The following LRRC71 variants were observed in gnomAD, a reference collection of about 807,000 sequenced individuals.
LRRC71 encodes leucine-rich repeat-containing protein 71.
LRRC71 carries 54 observed loss-of-function variants against 66.6 expected under a neutral mutation model. The observed-to-expected ratio is 0.81, with a 90% CI of 0.65 to 1.02. The LOEUF (loss-of-function observed/expected upper bound fraction) is 1.02. LRRC71 is among the 50% of genes least tolerant of loss of function. The probability of loss-of-function intolerance (pLI) is 0.00; values close to 1 mark genes in which losing one functional copy is unlikely to be tolerated. For missense variants in LRRC71, 724 were observed against 718.0 expected, an observed-to-expected ratio of 1.01 and a Z score of -0.10; for synonymous variants, 323 against 303.9, an observed-to-expected ratio of 1.06 and a Z score of -0.65.
In LRRC71 at chr1:156,930,542, T is replaced by C. The variant is rs768854652; in HGVS notation, c.1254T>C (p.Pro418=). The part of the protein sequence containing the change: ...TKAGKGKVTI[P]EQKPSRAKGI... The stretch of plus-strand genomic sequence containing the variant: ...TTCTGGCCCCAGAGGTAACCATCCC[T>C]GAACAGAAGCCAAGCAGGGCAAAAG... The change falls in exon 12 of 15, where the codon CCT becomes CCC. Residue 418 remains proline (P), a synonymous_variant. Coordinates refer to ENST00000337428, the MANE Select transcript of LRRC71 (RefSeq NM_144702.3). 19 of 1,564,338 alleles carry C rather than the reference T, an allele frequency of 1.2e-5. No individual in the cohort carries two copies. The highest frequency in any genetic ancestry group is 1.9e-5 in the Admixed American group (1 of 52,486).
intron 13 of LRRC71, 119 bp downstream of exon 13, chr1:156,932,146 G>T (rs867260796): frequency 2.4e-6 from 2 of 838,048 alleles, no homozygotes; most frequent in African/African-American, 3.4e-5. Flanking sequence ...TGGGCTACAT[G>T]TCCCCCAAGG....
downstream of LRRC71, chr1:156,936,047 G>T: frequency 6.2e-7 from 1 of 1,614,044 alleles, no homozygotes; most frequent in Non-Finnish European, 8.5e-7. Flanking sequence ...TCTTCCAGGG[G>T]GGCGTCAGAG....
intron 5 of LRRC71, among the ~76,000 whole-genome samples, chr1:156,925,599 G>A (rs1054045855): frequency 4.6e-5 from 7 of 152,204 alleles, no homozygotes; most frequent in African/African-American, 1.7e-4. Context: ...ATTGGGAAAG[G>A]GTGTACTTGT....
At chr1:156,930,669 C>A in intron 12 of LRRC71, 52 bp downstream of exon 12, 1 of 1,503,774 alleles carries the variant, frequency 6.6e-7, no homozygotes, top group Non-Finnish European at 9.1e-7. Flanking sequence ...GGATTCCAGG[C>A]TTGCCTGAGA....
the LRRC71 span, chr1:156,940,227 G>T: frequency 6.3e-7 from 1 of 1,593,626 alleles, no homozygotes; most frequent in Non-Finnish European, 8.6e-7. Context: ...AGCGGAGTCA[G>T]CGAGCCCTTC....
chr1:156,934,279 G>A (rs1267814065), downstream of LRRC71, among the ~76,000 whole-genome samples: 1 of 152,198 alleles, frequency 6.6e-6, no homozygotes, highest in Non-Finnish European at 1.5e-5. Context: ...TCAGGGTTGG[G>A]CTGGAAGAGA....
Position 156,927,596 on chromosome 1 carries a change from G to T in LRRC71, c.763G>T (p.Val255Phe), listed in dbSNP as rs745831829. The T allele has an allele frequency of 1.3e-6, 2 of 1,599,896 alleles. No homozygotes were observed. The change falls in exon 7 of 15, where the codon GTC becomes TTC. Residue 255 changes from valine (V) to phenylalanine (F), a missense_variant. Physicochemically the swap from Val to Phe is conservative, Grantham distance 50. Transcript: ENST00000337428. ...GCTGCACAGCTGCAACCGGACCCTC[G>T]TCTCGCTCAACCTGGGTTTCAACCA... ...STLHSCNRTL[V>F]SLNLGFNHIG...
At chr1:156,924,320 C>G (rs1000005794) in intron 2 of LRRC71, 104 bp from the exon 3 acceptor site, 1 of 1,452,394 alleles carries the variant, frequency 6.9e-7, no homozygotes, top group Non-Finnish European at 9.2e-7. Context: ...GCCGGCGCCT[C>G]CCCTCTGGCG....
rs759314364 is a variant in LRRC71 at position 156,927,516 on chromosome 1, G to A, written c.683G>A (p.Arg228Gln). 19 of 1,539,548 alleles carry A rather than the reference G, an allele frequency of 1.2e-5. No individual in the cohort carries two copies. The highest frequency in any genetic ancestry group is 2.0e-5 in the Admixed American group (1 of 49,782). Residue 228 changes from arginine to glutamine, a missense_variant, in exon 7 of 15, where the codon CGG becomes CAG. Arg to Gln is a conservative substitution (Grantham distance 43). Transcript: ENST00000337428. Reference sequence around the variant, plus strand: ...CCCAGGATTGCGCACTTGTCTCTGCGGAACAATAACATCGACGACCGCGGG... The same window carrying A: ...CCCAGGATTGCGCACTTGTCTCTGCAGAACAATAACATCGACGACCGCGGG... ...LDSTIAHLSLRNNNIDDRGAQ... is the reference protein window; with the variant it reads ...LDSTIAHLSLQNNNIDDRGAQ...
the LRRC71 span, chr1:156,938,321 GGTGTGT>G: frequency 9.0e-7 from 1 of 1,108,788 alleles, no homozygotes; most frequent in Non-Finnish European, 1.3e-6. Flanking sequence ...GGAGCTTGTG[GGTGTGT>G]GTGTGACCAT....
downstream of LRRC71, chr1:156,937,023 G>A: frequency 6.2e-7 from 1 of 1,609,162 alleles, no homozygotes; most frequent in Non-Finnish European, 8.5e-7. Context: ...AGTCGGCGGG[G>A]GAATGTCTGC....
chr1:156,934,966 T>TA (rs1186612942), downstream of LRRC71: 2 of 148,284 alleles, frequency 1.3e-5, no homozygotes, highest in African/African-American at 4.9e-5. Flanking sequence ...TATATATATA[T>TA]TTATATATAT....
intron 9 of LRRC71, 126 bp downstream of exon 9, chr1:156,928,130 T>C: frequency 1.1e-6 from 1 of 933,960 alleles, no homozygotes; most frequent in Admixed American, 2.5e-5. Context: ...CCTGACTGTC[T>C]TTCCCTCCGA....
At chr1:156,928,951 G>A (rs1479950698) in intron 9 of LRRC71, among the ~76,000 whole-genome samples, 3 of 152,034 alleles carry the variant, frequency 2.0e-5, no homozygotes, top group African/African-American at 4.8e-5. Flanking sequence ...CTGTCGAGAG[G>A]ATTTAAAGAC....
chr1:156,931,628 C>T (rs1024003709), intron 12 of LRRC71, among the ~76,000 whole-genome samples: 2 of 152,150 alleles, frequency 1.3e-5, no homozygotes, highest in Admixed American at 6.5e-5. Flanking sequence ...ATATCATGTG[C>T]GTTCACAGGA....
chr1:156,928,106 T>A, intron 9 of LRRC71, 102 bp downstream of exon 9: 1 of 1,097,666 alleles, frequency 9.1e-7, no homozygotes, highest in Non-Finnish European at 1.3e-6. Context: ...TCCAGTTTAA[T>A]CTCCACCCTC....
At chr1:156,938,723 C>G in the LRRC71 span, 1 of 510,660 alleles carries the variant, frequency 2.0e-6, no homozygotes, top group Non-Finnish European at 3.5e-6. Flanking sequence ...GAAGGAAGGT[C>G]AGTTCCCAGA....
At chr1:156,924,339 C>T (rs1652861020) in intron 2 of LRRC71, 85 bp from the exon 3 acceptor site, 1 of 1,496,656 alleles carries the variant, frequency 6.7e-7, no homozygotes, top group East Asian at 2.5e-5. Flanking sequence ...CGGTGTCCTC[C>T]AATCCCACCC....
In LRRC71 at chr1:156,924,564, T is replaced by TCCCCCCCC; in HGVS notation, c.439+18_439+19insCCCCCCCC. ...AATCTACATCCGCGGTGAGCCCCGC[T>TCCCCCCCC]CCCCCCACCCGCCCCAGCTCCCTCC... On this transcript the variant is annotated intron_variant, in intron 3 of 14. Coordinates refer to ENST00000337428, the MANE Select transcript of LRRC71 (RefSeq NM_144702.3). 2.0e-6 allele frequency: 3 copies of TCCCCCCCC among 1,531,802 alleles called. No homozygotes were observed. Among genetic ancestry groups the TCCCCCCCC allele is most frequent in the Non-Finnish European group, 2.7e-6 (3 of 1,131,914 alleles). 94.9% of individuals were successfully genotyped at this position (1,531,802 alleles called of 1,614,324 possible).
Sources: gnomAD v4.1 joint callset for allele counts (sites outside exome capture counted in the v4.1 genomes callset) on GRCh38, gnomAD v4.1.1 for gene constraint, MANE v1.5 for transcripts, NCBI Gene and HGNC (gene_info 2026-07-23, HGNC 2026-07-21) for gene names.